The following NDST4 variants were observed in gnomAD, a reference collection of about 807,000 sequenced individuals.
NDST4 encodes N-heparan sulfate sulfotransferase 4.
NDST4 carries 63 observed loss-of-function variants against 100.8 expected under a neutral mutation model. The ratio of observed to expected loss-of-function variants is 0.62; its 90% CI spans 0.51 to 0.77. NDST4 has a LOEUF of 0.77. NDST4 is among the 30% of genes least tolerant of loss of function. The probability of loss-of-function intolerance (pLI) is 0.00; values close to 1 mark genes in which losing one functional copy is unlikely to be tolerated. For synonymous variants in NDST4, 377 were observed against 361.8 expected (o/e 1.04, Z -0.48); for missense variants, 943 against 1,018.4 (o/e 0.93, Z 1.01).
At chr4:114,985,963 G>T (rs915153420) in intron 2 of NDST4, among the ~76,000 whole-genome samples, 23 of 152,226 alleles carry the variant, frequency 1.5e-4, no homozygotes, top group Middle Eastern at 3.4e-3. Flanking sequence ...ACTTAGCGTC[G>T]TTAATTTCAA....
intron 6 of NDST4, among the ~76,000 whole-genome samples, chr4:114,912,344 C>T (rs1258846913): frequency 6.6e-6 from 1 of 152,156 alleles, no homozygotes; most frequent in Non-Finnish European, 1.5e-5. Context: ...ACACGGCTCT[C>T]TTCTTTTCTA....
intron 2 of NDST4, among the ~76,000 whole-genome samples, chr4:114,990,591 T>A (rs559254798): frequency 1.6e-4 from 25 of 152,244 alleles, no homozygotes; most frequent in African/African-American, 5.8e-4. Context: ...TTATTTTACA[T>A]TAATCACTAG....
chr4:114,916,328 C>T (rs1351411954), intron 6 of NDST4, among the ~76,000 whole-genome samples: 1 of 152,120 alleles, frequency 6.6e-6, no homozygotes, highest in Non-Finnish European at 1.5e-5. Flanking sequence ...CCGAAAGTAG[C>T]ACCACATTCT....
chr4:114,873,382 T>C (rs980778861), intron 6 of NDST4, among the ~76,000 whole-genome samples: 1 of 151,750 alleles, frequency 6.6e-6, no homozygotes, highest in African/African-American at 2.4e-5. Context: ...GAGATTCATA[T>C]GGAATCTCAA....
intron 2 of NDST4, among the ~76,000 whole-genome samples, chr4:115,038,910 G>T (rs949627779): frequency 6.6e-6 from 1 of 152,142 alleles, no homozygotes; most frequent in Admixed American, 6.6e-5. Flanking sequence ...AGCCTGGGAG[G>T]TCAAGGCCAC....
intron 2 of NDST4, among the ~76,000 whole-genome samples, chr4:115,037,397 C>T (rs1458961414): frequency 6.6e-6 from 1 of 152,090 alleles, no homozygotes; most frequent in Non-Finnish European, 1.5e-5. Context: ...GGACAGATGA[C>T]TGCTAACTTG....
chr4:115,009,386 C>G (rs1163530105), intron 2 of NDST4, among the ~76,000 whole-genome samples: 2 of 127,762 alleles, frequency 1.6e-5, no homozygotes, highest in African/African-American at 3.0e-5. Flanking sequence ...TGCTGCATAT[C>G]TACAACTATC....
At chr4:114,829,931 A>G (rs775553066) in intron 12 of NDST4, 39 bp from the exon 13 acceptor site, 1 of 1,447,018 alleles carries the variant, frequency 6.9e-7, no homozygotes, top group African/African-American at 1.4e-5. Context: ...AATTGTATGC[A>G]GAATTTTCAG....
chr4:114,860,710 C>T (rs2019200), intron 7 of NDST4, among the ~76,000 whole-genome samples: 22,445 of 152,122 alleles, frequency 0.15, 2,548 homozygotes, highest in African/African-American at 0.31. Context: ...AGAAATACAT[C>T]TTCATTTTAT....
At chr4:115,070,028 C>T (rs761710741) in intron 2 of NDST4, among the ~76,000 whole-genome samples, 12 of 152,122 alleles carry the variant, frequency 7.9e-5, no homozygotes, top group South Asian at 4.1e-4. Context: ...CCTCAAACAC[C>T]TAAAAACAGA....
intron 1 of NDST4, among the ~76,000 whole-genome samples, chr4:115,086,129 C>T (rs960199466): frequency 1.3e-5 from 2 of 152,138 alleles, no homozygotes; most frequent in Admixed American, 1.3e-4. Flanking sequence ...TCAATGCAGT[C>T]TCTTATGATT....
At chr4:115,041,371 C>A (rs755826733) in intron 2 of NDST4, among the ~76,000 whole-genome samples, 30 of 151,988 alleles carry the variant, frequency 2.0e-4, no homozygotes, top group Non-Finnish European at 3.8e-4. Context: ...CTAAAAAATA[C>A]ATCTTTTTAA....
chr4:114,915,674 G>T (rs1725152474), intron 6 of NDST4, among the ~76,000 whole-genome samples: 1 of 152,048 alleles, frequency 6.6e-6, no homozygotes, highest in African/African-American at 2.4e-5. Flanking sequence ...CCACCTCATT[G>T]GTTGTTAATT....
chr4:114,941,349 C>T (rs1360944589), intron 4 of NDST4, among the ~76,000 whole-genome samples: 1 of 152,080 alleles, frequency 6.6e-6, no homozygotes, highest in Non-Finnish European at 1.5e-5. Context: ...CCCTCCCCTC[C>T]CCAAAGTATG....
chr4:115,101,897 G>A (rs1729737681), intron 1 of NDST4, among the ~76,000 whole-genome samples: 1 of 152,130 alleles, frequency 6.6e-6, no homozygotes, highest in African/African-American at 2.4e-5. Context: ...TAGGAGACGG[G>A]TTGGAGAGGG....
intron 4 of NDST4, among the ~76,000 whole-genome samples, chr4:114,942,448 C>A (rs1012775398): frequency 1.3e-5 from 2 of 151,912 alleles, no homozygotes; most frequent in Admixed American, 1.3e-4. Context: ...GAATGATATC[C>A]TTGACACGAA....
At chr4:114,983,573 A>G (rs760205480) in intron 2 of NDST4, among the ~76,000 whole-genome samples, 3 of 152,154 alleles carry the variant, frequency 2.0e-5, no homozygotes, top group Non-Finnish European at 4.4e-5. Flanking sequence ...TCTTGGAAGT[A>G]ACTAGCTTGT....
chr4:114,847,102 C>T (rs1421604870), intron 9 of NDST4, among the ~76,000 whole-genome samples: 1 of 131,402 alleles, frequency 7.6e-6, no homozygotes, highest in Non-Finnish European at 1.5e-5. Flanking sequence ...TTCGGCCGGG[C>T]GCGGTGGCTC....
Position 114,851,402 on chromosome 4 carries a change from G to T in NDST4, c.1816+1323C>A, listed in dbSNP as rs187206025. Among the ~76,000 whole-genome samples, 1,045 of 152,162 alleles carry T rather than the reference G, an allele frequency of 6.9e-3. 9 individuals are homozygous for T. Among genetic ancestry groups the T allele is most frequent in the South Asian group, 0.01 (50 of 4,822 alleles). ...ACATCTTATTTGTTTGTTTGTCTTAGGAAAGCCAAAACCAGCTAAATGCTT... is the reference window on the plus strand; with the variant it reads ...ACATCTTATTTGTTTGTTTGTCTTATGAAAGCCAAAACCAGCTAAATGCTT... On this transcript the variant is annotated intron_variant, in intron 8 of 13. Transcript: ENST00000264363.
Sources: gnomAD v4.1 joint callset for allele counts (sites outside exome capture counted in the v4.1 genomes callset) on GRCh38, gnomAD v4.1.1 for gene constraint, MANE v1.5 for transcripts, NCBI Gene and HGNC (gene_info 2026-07-23, HGNC 2026-07-21) for gene names.